The following ABCC2 variants were observed in gnomAD, a reference collection of about 807,000 sequenced individuals.
The protein encoded by ABCC2 is ATP-binding cassette sub-family C member 2.
ABCC2 carries 157 observed loss-of-function variants against 173.4 expected under a neutral mutation model. That is an observed-to-expected ratio of 0.91 (90% CI 0.80 to 1.03). The LOEUF is 1.03. Ranked by LOEUF, ABCC2 falls within the 50% of genes least tolerant of loss-of-function variation. ABCC2 has a pLI of 0.00. For missense variants in ABCC2, 1,822 were observed against 1,852.3 expected, an observed-to-expected ratio of 0.98 and a Z score of 0.30; for synonymous variants, 657 against 693.5, an observed-to-expected ratio of 0.95 and a Z score of 0.83.
chr10:99,796,182 G>A (rs1430622171), intron 6 of ABCC2, among the ~76,000 whole-genome samples: 2 of 151,996 alleles, frequency 1.3e-5, no homozygotes, highest in African/African-American at 4.8e-5. Flanking sequence ...GGCTAACACG[G>A]TGAAACCCCA....
intron 21 of ABCC2, 64 bp downstream of exon 21, chr10:99,830,915 C>T (rs2038727652): frequency 5.0e-6 from 8 of 1,593,320 alleles, no homozygotes; most frequent in South Asian, 4.4e-5. Context: ...AAATTTTTAA[C>T]GTTCAGTGAA....
chr10:99,814,677 A>ATGTG (rs1491543195), intron 16 of ABCC2, among the ~76,000 whole-genome samples: 4 of 128,506 alleles, frequency 3.1e-5, no homozygotes, highest in Admixed American at 7.8e-5. Flanking sequence ...ATACACATAT[A>ATGTG]CACACACGTG....
intron 9 of ABCC2, among the ~76,000 whole-genome samples, chr10:99,800,870 CTT>C (rs1218736842): frequency 6.6e-6 from 1 of 152,202 alleles, no homozygotes; most frequent in Non-Finnish European, 1.5e-5. Flanking sequence ...TCCTGCCTCT[CTT>C]GACAAGGTGA....
In ABCC2 at chr10:99,814,095, A is replaced by ATATATACACACATATGTG. The variant is rs1437321578; in HGVS notation, c.2094+971_2094+988dup. Among the ~76,000 whole-genome samples, 22 of 135,366 alleles carry ATATATACACACATATGTG rather than the reference A, an allele frequency of 1.6e-4. 5 individuals carry two copies. The highest frequency in any genetic ancestry group is 4.1e-4 in the African/African-American group (15 of 36,164). 88.8% of individuals were successfully genotyped at this position (135,366 alleles called of 152,430 possible). A position where few individuals can be genotyped will look rare whatever the true frequency, so the allele number is the denominator to read the frequency against. On this transcript the variant is annotated intron_variant, in intron 16 of 31. Transcript: ENST00000647814. ...TATATGTGTATGTGTATATACACATATATATACACACATATGTGTATATAC... is the reference window on the plus strand; with the variant it reads ...TATATGTGTATGTGTATATACACATATATATACACACATATGTGTATATACACACATATGTGTATATAC...
Position 99,844,456 on chromosome 10 carries a change from C to A in ABCC2, c.3978C>A (p.Ser1326Arg). Residue 1326 changes from serine (S) to arginine (R), a missense_variant, in exon 28 of 32, where the codon AGC (serine) becomes AGA (arginine). Transcript: ENST00000647814. Reference protein sequence around the residue: ...VLRGITCDIGSMEKIGVVGRT... With the variant: ...VLRGITCDIGRMEKIGVVGRT... ...GAGGGATCACTTGTGACATCGGTAG[C>A]ATGGAGAAGGTAGGTGGAGTGAAGG... 1 of 1,613,648 alleles carries A rather than the reference C, an allele frequency of 6.2e-7. No homozygotes were observed. The highest frequency in any genetic ancestry group is 8.5e-7 in the Non-Finnish European group (1 of 1,180,036).
chr10:99,846,852 T>C (rs1206535981), intron 29 of ABCC2, 109 bp from the exon 30 acceptor site: 2 of 1,457,944 alleles, frequency 1.4e-6, no homozygotes, highest in Non-Finnish European at 9.6e-7. Context: ...GCTTCCTGCC[T>C]CAGGAATCCA....
intron 30 of ABCC2, 62 bp downstream of exon 30, chr10:99,847,189 G>A (rs765432297): frequency 1.1e-4 from 178 of 1,566,788 alleles, no homozygotes; most frequent in Middle Eastern, 1.9e-4. Context: ...GCCACTCCTC[G>A]TGTTCCTCGT....
intron 19 of ABCC2, among the ~76,000 whole-genome samples, chr10:99,820,119 C>T (rs543676101): frequency 1.8e-4 from 28 of 152,266 alleles, no homozygotes; most frequent in African/African-American, 2.2e-4. Context: ...GGGCCAGGCA[C>T]GATGGCTCAC....
At chr10:99,802,452 A>G (rs990143416) in intron 9 of ABCC2, among the ~76,000 whole-genome samples, 32 of 152,198 alleles carry the variant, frequency 2.1e-4, no homozygotes, top group African/African-American at 7.5e-4. Flanking sequence ...TGAAAATAGA[A>G]ATATATAGTG....
chr10:99,792,698 A>G (rs944265449), intron 3 of ABCC2, among the ~76,000 whole-genome samples: 4 of 152,168 alleles, frequency 2.6e-5, no homozygotes, highest in African/African-American at 7.2e-5. Context: ...TTGTTTTTAA[A>G]TTGATTGATG....
Position 99,819,070 on chromosome 10 carries a change from C to T in ABCC2, c.2440-19C>T. ...GGTGGACATATGGTAATCAACACAA[C>T]TTCATATTATTTTTATAGACTCGAC... On this transcript the variant is annotated intron_variant, in intron 18 of 31. Coordinates refer to ENST00000647814, the MANE Select transcript of ABCC2 (RefSeq NM_000392.5). 6.2e-7 allele frequency: 1 copy of T among 1,613,624 alleles called. No homozygotes were observed. The highest frequency in any genetic ancestry group is 8.5e-7 in the Non-Finnish European group (1 of 1,179,700).
chr10:99,836,483 G>A (rs550746038), intron 25 of ABCC2, among the ~76,000 whole-genome samples, 193 bp downstream of exon 25: 213 of 152,290 alleles, frequency 1.4e-3, no homozygotes, highest in African/African-American at 4.8e-3. Flanking sequence ...CAGCTCTGCC[G>A]TTTACCAAGC....
intron 21 of ABCC2, 119 bp downstream of exon 21, chr10:99,830,970 C>A (rs1207631038): frequency 1.8e-6 from 2 of 1,141,936 alleles, no homozygotes; most frequent in Non-Finnish European, 2.6e-6. Flanking sequence ...CTGTCCTTTG[C>A]AAATCTTCAG....
At chr10:99,814,711 A>G (rs555875326) in intron 16 of ABCC2, among the ~76,000 whole-genome samples, 133 of 144,246 alleles carry the variant, frequency 9.2e-4, no homozygotes, top group Non-Finnish European at 1.6e-3. Flanking sequence ...ATGTGTATAC[A>G]TGTATATACA....
chr10:99,805,445 A>G lies in ABCC2; in HGVS notation c.1528A>G (p.Lys510Glu), dbSNP rs1157562604. Residue 510 changes from lysine (K) to glutamate (E), a missense_variant and splice_region_variant, in exon 11 of 32, where the codon AAG becomes GAG. Transcript: ENST00000647814. ...CATGAATGAGATTCTTAGTGGAATC[A>G]AGGTGAGAATCTGAGCGTAGGTGGC... Reference protein sequence around the residue: ...KIMNEILSGIKILKYFAWEPS... With the variant: ...KIMNEILSGIEILKYFAWEPS... 1 of 1,613,846 alleles carries G rather than the reference A, an allele frequency of 6.2e-7. No individual in the cohort carries two copies. The highest frequency in any genetic ancestry group is 8.5e-7 in the Non-Finnish European group (1 of 1,179,784).
chr10:99,810,548 G>C (rs74152770), intron 14 of ABCC2, among the ~76,000 whole-genome samples: 1,570 of 152,324 alleles, frequency 0.01, 32 homozygotes, highest in African/African-American at 0.035. Flanking sequence ...GATTCTGAAG[G>C]TTTAAAGATT....
At chr10:99,814,183 G>GTATACACACATGTGTATA (rs1332510614) in intron 16 of ABCC2, among the ~76,000 whole-genome samples, 1,744 of 78,988 alleles carry the variant, frequency 0.022, 316 homozygotes, top group Non-Finnish European at 0.033. Flanking sequence ...ACACATGTAT[G>GTATACACACATGTGTATA]TATACACACA....
At chr10:99,807,664 A>G in intron 12 of ABCC2, 143 bp downstream of exon 12, 2 of 1,216,338 alleles carry the variant, frequency 1.6e-6, no homozygotes, top group Non-Finnish European at 2.4e-6. Flanking sequence ...TCACCGCCCC[A>G]TGCCACTTTT....
At chr10:99,791,529 C>T (rs2037811903) in intron 2 of ABCC2, among the ~76,000 whole-genome samples, 1 of 152,196 alleles carries the variant, frequency 6.6e-6, no homozygotes, top group African/African-American at 2.4e-5. Flanking sequence ...TTCTTTAAAT[C>T]TTAACAGTTT....
Sources: gnomAD v4.1 joint callset for allele counts (sites outside exome capture counted in the v4.1 genomes callset) on GRCh38, gnomAD v4.1.1 for gene constraint, MANE v1.5 for transcripts, NCBI Gene and HGNC (gene_info 2026-07-23, HGNC 2026-07-21) for gene names.